ANKFN1: variants seen among roughly 807,000 people sequenced by gnomAD.
The protein encoded by ANKFN1 is ankyrin repeat and fibronectin type-III domain-containing protein 1.
Under a neutral mutation model 108.7 loss-of-function variants are expected in ANKFN1, and 74 were observed. That is an observed-to-expected ratio of 0.68 (90% CI 0.56 to 0.83). The LOEUF (loss-of-function observed/expected upper bound fraction) is 0.83. Ranked by LOEUF, ANKFN1 falls within the 40% of genes least tolerant of loss-of-function variation. The pLI is 0.00. For missense variants in ANKFN1, 1,505 were observed against 1,382.3 expected (o/e 1.09, Z -1.41); for synonymous variants, 547 against 516.2 (o/e 1.06, Z -0.81).
intron 4 of ANKFN1, among the ~76,000 whole-genome samples, chr17:56,049,829 G>C (rs1186100794): frequency 1.3e-5 from 2 of 149,234 alleles, no homozygotes; most frequent in South Asian, 2.2e-4. Flanking sequence ...CTTTGCTATT[G>C]TGAATAATGC....
At chr17:56,189,117 G>T (rs1912587913) in intron 1 of ANKFN1, among the ~76,000 whole-genome samples, 1 of 146,782 alleles carries the variant, frequency 6.8e-6, no homozygotes, top group Non-Finnish European at 1.5e-5. Flanking sequence ...CTGTTCCTGA[G>T]TTGTATTCTT....
chr17:56,291,872 C>T (rs1567890459), intron 3 of ANKFN1, among the ~76,000 whole-genome samples: 2 of 152,148 alleles, frequency 1.3e-5, no homozygotes, highest in East Asian at 1.9e-4. Flanking sequence ...TCAAATGACC[C>T]TAGTTTAACA....
chr17:56,503,553 A>AAGAT (rs1331815376), intron 20 of ANKFN1, among the ~76,000 whole-genome samples: 1 of 139,038 alleles, frequency 7.2e-6, no homozygotes, highest in African/African-American at 2.7e-5. Flanking sequence ...TAAAACTGTG[A>AAGAT]AGATAGATTT....
chr17:56,105,448 C>G (rs1426017316), intron 4 of ANKFN1, among the ~76,000 whole-genome samples: 1 of 152,026 alleles, frequency 6.6e-6, no homozygotes, highest in Non-Finnish European at 1.5e-5. Context: ...TGAAATTGTT[C>G]CCTCTCTCTC....
At chr17:56,407,022 G>A (rs1371996756) in intron 8 of ANKFN1, among the ~76,000 whole-genome samples, 1 of 152,082 alleles carries the variant, frequency 6.6e-6, no homozygotes, top group East Asian at 1.9e-4. Flanking sequence ...GTATAAATAG[G>A]GAGGGGAAAA....
chr17:56,238,707 A>C (rs938907376), intron 3 of ANKFN1, among the ~76,000 whole-genome samples: 1 of 152,172 alleles, frequency 6.6e-6, no homozygotes, highest in Non-Finnish European at 1.5e-5. Context: ...TGAAGACAGC[A>C]TACCATGAGT....
At chr17:56,162,774 G>A (rs9908641) in intron 1 of ANKFN1, among the ~76,000 whole-genome samples, 3,453 of 152,214 alleles carry the variant, frequency 0.023, 137 homozygotes, top group African/African-American at 0.079. Flanking sequence ...AGTGACTCAC[G>A]CCTGTAATCC....
Position 56,477,460 on chromosome 17 carries a change from CTTTTTTTTT to C in ANKFN1, c.1774-19_1774-11del. The C allele has an allele frequency of 1.5e-6, 2 of 1,347,602 alleles. No homozygotes were observed. Among genetic ancestry groups the C allele is most frequent in the Non-Finnish European group, 1.9e-6 (2 of 1,035,492 alleles). The allele number at this position is 1,347,602 out of a possible 1,614,324, so 83.5% of individuals were successfully genotyped here. On this transcript the variant is annotated intron_variant, in intron 15 of 20. Transcript: ENST00000682825. ...GCCCTTCGAGTTGTTTTCTTGTTTT[CTTTTTTTTT>C]TTTTTTTTAACCCTACAGGATATTC...
At chr17:56,167,129 T>C (rs970770416) in intron 1 of ANKFN1, among the ~76,000 whole-genome samples, 1 of 151,582 alleles carries the variant, frequency 6.6e-6, no homozygotes, top group Non-Finnish European at 1.5e-5. Flanking sequence ...GGAAGTTAAA[T>C]AAATATACAT....
chr17:56,349,017 T>C (rs572087995), intron 4 of ANKFN1, among the ~76,000 whole-genome samples: 1 of 152,134 alleles, frequency 6.6e-6, no homozygotes, highest in East Asian at 1.9e-4. Context: ...GAACATATGG[T>C]ATATATACAC....
chr17:56,257,868 C>T (rs775085882), intron 3 of ANKFN1: 23 of 152,268 alleles, frequency 1.5e-4, no homozygotes, highest in African/African-American at 2.2e-4. Flanking sequence ...GCGAAGTCCT[C>T]TTCCCTCTCT....
At chr17:56,378,342 C>T (rs1346430437) in intron 8 of ANKFN1, among the ~76,000 whole-genome samples, 1 of 152,144 alleles carries the variant, frequency 6.6e-6, no homozygotes, top group Non-Finnish European at 1.5e-5. Context: ...TTGATCATAA[C>T]CTGATGACTT....
At chr17:56,403,125 T>C (rs1167203818) in intron 8 of ANKFN1, among the ~76,000 whole-genome samples, 12 of 152,166 alleles carry the variant, frequency 7.9e-5, no homozygotes, top group Non-Finnish European at 1.5e-5. Flanking sequence ...TAATATGGTC[T>C]ATCTTGGAGA....
intron 6 of ANKFN1, among the ~76,000 whole-genome samples, chr17:56,357,514 C>T (rs1345827233): frequency 6.6e-6 from 1 of 152,240 alleles, no homozygotes; most frequent in African/African-American, 2.4e-5. Context: ...GCCCCTGCAT[C>T]TCTCCCTTTC....
chr17:56,434,885 G>C (rs1323678813), intron 8 of ANKFN1, among the ~76,000 whole-genome samples: 1 of 152,132 alleles, frequency 6.6e-6, no homozygotes, highest in African/African-American at 2.4e-5. Flanking sequence ...CTGGTGCTGG[G>C]TTGGGCAGTC....
intron 3 of ANKFN1, among the ~76,000 whole-genome samples, chr17:56,321,317 C>A (rs917158315): frequency 6.6e-6 from 1 of 151,776 alleles, no homozygotes; most frequent in African/African-American, 2.4e-5. Flanking sequence ...AGAATCGGAG[C>A]CGTTATTGAG....
chr17:56,273,652 A>C (rs16957009), intron 3 of ANKFN1, among the ~76,000 whole-genome samples: 3,184 of 152,336 alleles, frequency 0.021, 101 homozygotes, highest in African/African-American at 0.072. Context: ...CTGAAAGGAA[A>C]TAAAAAAGAT....
chr17:56,432,741 C>G (rs1245610761), intron 8 of ANKFN1, among the ~76,000 whole-genome samples: 1 of 152,220 alleles, frequency 6.6e-6, no homozygotes, highest in Non-Finnish European at 1.5e-5. Context: ...TGCTTGGTAA[C>G]TGACCTTCTG....
At chr17:56,335,590 G>C (rs1453342399) in intron 4 of ANKFN1, among the ~76,000 whole-genome samples, 1 of 152,150 alleles carries the variant, frequency 6.6e-6, no homozygotes, top group African/African-American at 2.4e-5. Flanking sequence ...TGCTGAAGTT[G>C]CTTATCAGCT....
Sources: gnomAD v4.1 joint callset for allele counts (sites outside exome capture counted in the v4.1 genomes callset) on GRCh38, gnomAD v4.1.1 for gene constraint, MANE v1.5 for transcripts, NCBI Gene and HGNC (gene_info 2026-07-23, HGNC 2026-07-21) for gene names.